Variants in BPIFC observed in about 807,000 individuals in gnomAD.
BPIFC encodes the protein BPI fold-containing family C protein.
In BPIFC, 60 loss-of-function variants were observed where a neutral mutation model predicts 57.6. The observed-to-expected ratio is 1.04, with a 90% CI of 0.85 to 1.29. BPIFC has a LOEUF of 1.29. BPIFC is among the 50% of genes most tolerant of loss of function. The pLI is 0.00. For synonymous variants in BPIFC, 243 were observed against 224.5 expected, an observed-to-expected ratio of 1.08 and a Z score of -0.74; for missense variants, 581 against 600.5, an observed-to-expected ratio of 0.97 and a Z score of 0.34.
chr22:32,428,110 A>C (rs2145923388), intron 13 of BPIFC, among the ~76,000 whole-genome samples: 1 of 152,280 alleles, frequency 6.6e-6, no homozygotes, highest in South Asian at 2.1e-4. Flanking sequence ...TGGAGGCCTG[A>C]GGCACTTTTG....
chr22:32,431,421 A>G lies in BPIFC; in HGVS notation c.1150-7T>C. On this transcript the variant is annotated splice_region_variant and splice_polypyrimidine_tract_variant and intron_variant, in intron 12 of 16. Transcript: ENST00000300399. ...CAACACTGGTACTAGCAACCTATAG[A>G]CAATAAAAGCATTTATTATTAAGAC... 6.4e-7 allele frequency: 1 copy of G among 1,552,786 alleles called. No homozygotes were observed. Among genetic ancestry groups the G allele is most frequent in the Non-Finnish European group, 8.8e-7 (1 of 1,132,200 alleles).
At chr22:32,415,849 C>T in intron 16 of BPIFC, 66 bp downstream of exon 16, 1 of 1,132,318 alleles carries the variant, frequency 8.8e-7, no homozygotes, top group Non-Finnish European at 1.2e-6. Flanking sequence ...ACAAGCAAAA[C>T]AGGAGGAGGC....
intron 3 of BPIFC, among the ~76,000 whole-genome samples, chr22:32,454,943 C>T (rs1001794): frequency 0.33 from 49,413 of 151,882 alleles, 9,154 homozygotes; most frequent in African/African-American, 0.51. Context: ...ACTTGTTGGG[C>T]CATATTTGCT....
At chr22:32,443,940 A>T (rs542515982) in intron 7 of BPIFC, among the ~76,000 whole-genome samples, 1 of 152,286 alleles carries the variant, frequency 6.6e-6, no homozygotes, top group South Asian at 2.1e-4. Flanking sequence ...AGATGGGAAA[A>T]CCAAAGCTTA....
chr22:32,459,741 C>T (rs1160258293), intron 2 of BPIFC, among the ~76,000 whole-genome samples: 2 of 151,752 alleles, frequency 1.3e-5, no homozygotes, highest in African/African-American at 2.4e-5. Flanking sequence ...ATCCCAGCAA[C>T]TTGGGAGGCT....
intron 8 of BPIFC, among the ~76,000 whole-genome samples, 173 bp downstream of exon 8, chr22:32,442,498 T>C (rs1423750482): frequency 6.6e-6 from 1 of 152,094 alleles, no homozygotes; most frequent in African/African-American, 2.4e-5. Flanking sequence ...AAAGAGTACA[T>C]ATGCCCTAAG....
At chr22:32,434,569 C>T (rs1357866134) in intron 10 of BPIFC, among the ~76,000 whole-genome samples, 1 of 151,354 alleles carries the variant, frequency 6.6e-6, no homozygotes, top group Non-Finnish European at 1.5e-5. Context: ...ATATATATTA[C>T]AATCTATCTA....
At chr22:32,424,624 C>CTTCTTCTT (rs1331278705) in intron 13 of BPIFC, among the ~76,000 whole-genome samples, 17 of 48,558 alleles carry the variant, frequency 3.5e-4, no homozygotes, top group East Asian at 2.5e-3. Flanking sequence ...TCCTCCTCCT[C>CTTCTTCTT]CTCCTCTTCT....
rs117216213 is a variant in BPIFC at position 32,432,388 on chromosome 22, G to C, written c.1134C>G (p.Ile378Met). 4 of 1,614,052 alleles carry C rather than the reference G, an allele frequency of 2.5e-6. No homozygotes were observed. The highest frequency in any genetic ancestry group is 2.5e-6 in the Non-Finnish European group (3 of 1,180,028). Residue 378 changes from isoleucine (I) to methionine (M), a missense_variant, in exon 12 of 17, where the codon ATC becomes ATG. Ile to Met is a conservative substitution (Grantham distance 10, BLOSUM62 1). Transcript: ENST00000300399. ...TQPKNSTVETIVSMDFVASTS... is the reference protein window; with the variant it reads ...TQPKNSTVETMVSMDFVASTS... ...CCAGACTTACGAAGTCCATGGAAAC[G>C]ATGGTTTCAACTGTGGAGTTCTTGG...
intron 12 of BPIFC, 147 bp downstream of exon 12, chr22:32,432,226 A>AT (rs1934265218): frequency 3.5e-6 from 3 of 849,708 alleles, no homozygotes; most frequent in Non-Finnish European, 5.3e-6. Flanking sequence ...AATTATAGGC[A>AT]TGAGCCATCA....
chr22:32,457,984 C>T (rs1176470157), intron 2 of BPIFC, among the ~76,000 whole-genome samples: 1 of 152,210 alleles, frequency 6.6e-6, no homozygotes, highest in African/African-American at 2.4e-5. Flanking sequence ...CTCTCTGCTT[C>T]GGCCATTGCT....
intron 9 of BPIFC, 48 bp from the exon 10 acceptor site, chr22:32,435,928 AT>A (rs2145934917): frequency 5.8e-6 from 9 of 1,561,762 alleles, no homozygotes; most frequent in Non-Finnish European, 7.8e-6. Flanking sequence ...GAAAACTCAA[AT>A]TCTAAGAAGA....
At chr22:32,452,637 CAAAAA>C (rs57754149) in intron 4 of BPIFC, among the ~76,000 whole-genome samples, 1 of 135,414 alleles carries the variant, frequency 7.4e-6, no homozygotes, top group African/African-American at 2.6e-5. Context: ...GACTCCGTCT[CAAAAA>C]AAAAAAAAAC....
chr22:32,457,559 GTCCATCCATCCATCCATCCA>G lies in BPIFC; in HGVS notation c.1-193_1-174del, dbSNP rs71320927. Reference sequence around the variant, plus strand: ...CATCCATCCATCCAACCATCCATCCGTCCATCCATCCATCCATCCATCCATCCATCCATCCATCCATGCGC... The same window carrying G: ...CATCCATCCATCCAACCATCCATCCGTCCATCCATCCATCCATCCATGCGC... On this transcript the variant is annotated intron_variant, in intron 2 of 16. Transcript: ENST00000300399. 6.0e-5 allele frequency among the ~76,000 whole-genome samples: 9 copies of G among 148,902 alleles called. No individual in the cohort carries two copies. The East Asian group carries it at 1.0e-3, about 16-fold the overall frequency.
intron 8 of BPIFC, 142 bp downstream of exon 8, chr22:32,442,529 G>T: frequency 1.3e-6 from 1 of 776,032 alleles, no homozygotes; most frequent in Non-Finnish European, 2.1e-6. Context: ...ATCCTCCCAA[G>T]CACCTTCCCG....
At chr22:32,459,128 C>T (rs1441942308) in intron 2 of BPIFC, among the ~76,000 whole-genome samples, 2 of 152,214 alleles carry the variant, frequency 1.3e-5, no homozygotes, top group Admixed American at 6.5e-5. Context: ...CACTGCTGCA[C>T]TTACACATGC....
chr22:32,455,240 C>T (rs775354079), intron 3 of BPIFC, among the ~76,000 whole-genome samples: 1 of 151,592 alleles, frequency 6.6e-6, no homozygotes, highest in East Asian at 1.9e-4. Context: ...TAGTAGAGAT[C>T]GGGTTTCACC....
intron 2 of BPIFC, among the ~76,000 whole-genome samples, chr22:32,460,053 A>G (rs1236198337): frequency 6.6e-6 from 1 of 152,130 alleles, no homozygotes; most frequent in Non-Finnish European, 1.5e-5. Context: ...GGGGGTGAGT[A>G]GGCTTTAAGG....
intron 2 of BPIFC, among the ~76,000 whole-genome samples, chr22:32,458,183 A>T (rs1319661654): frequency 6.6e-6 from 1 of 152,106 alleles, no homozygotes; most frequent in Non-Finnish European, 1.5e-5. Flanking sequence ...CTATGCCTCC[A>T]CTTCCTCATT....
Sources: gnomAD v4.1 joint callset for allele counts (sites outside exome capture counted in the v4.1 genomes callset) on GRCh38, gnomAD v4.1.1 for gene constraint, MANE v1.5 for transcripts, NCBI Gene and HGNC (gene_info 2026-07-23, HGNC 2026-07-21) for gene names.